HID1: variants seen among roughly 807,000 people sequenced by gnomAD.
HID1 encodes the protein HID1 domain containing.
HID1 carries 42 observed loss-of-function variants against 89.7 expected under a neutral mutation model. The ratio of observed to expected loss-of-function variants is 0.47; its 90% CI spans 0.37 to 0.61. The LOEUF is 0.61. Among genes scored for constraint, HID1 ranks in the 20% least tolerant of loss-of-function variants. The pLI is 0.00. For synonymous variants in HID1, 442 were observed against 433.8 expected, an observed-to-expected ratio of 1.02 and a Z score of -0.24; for missense variants, 854 against 1,039.3, an observed-to-expected ratio of 0.82 and a Z score of 2.45.
Position 74,963,179 on chromosome 17 carries a change from C to G in HID1, c.388-98G>C. The G allele has an allele frequency of 9.4e-6, 8 of 852,380 alleles. No homozygotes were observed. The South Asian group carries it at 1.2e-4, about 13-fold the overall frequency. 52.8% of individuals were successfully genotyped at this position (852,380 alleles called of 1,614,324 possible). On this transcript the variant is annotated intron_variant, in intron 3 of 18. Coordinates refer to ENST00000425042, the MANE Select transcript of HID1 (RefSeq NM_030630.3). ...GTGGAGGACAGGGGCTGAGCCCAGG[C>G]GGGCACCCATGGGCAGAGGAATGAA...
Position 74,958,118 on chromosome 17 carries a change from GA to G in HID1, c.1471+22del. ...GACACCACCTGGTGGTGAGCGCGGG[GA>G]GTGCAAGCTCCGGGCCCCTACCGTT... On this transcript the variant is annotated intron_variant, in intron 12 of 18. Transcript: ENST00000425042. The surrounding 1 kb of genome is among the most constrained non-coding windows in gnomAD (Gnocchi z 5.2). 6.3e-7 allele frequency: 1 copy of G among 1,583,688 alleles called. No homozygotes were observed. Among genetic ancestry groups the G allele is most frequent in the Non-Finnish European group, 8.6e-7 (1 of 1,165,990 alleles).
chr17:74,953,655 G>T lies in HID1; in HGVS notation c.1865-4C>A, dbSNP rs752928089. 1 of 1,612,608 alleles carries T rather than the reference G, an allele frequency of 6.2e-7. No individual in the cohort carries two copies. Among genetic ancestry groups the T allele is most frequent in the South Asian group, 1.1e-5 (1 of 91,050 alleles). ...TTCTCGGTCAGCTTGTCAATGCCTG[G>T]GCAGGGCACAGGTGGGAGTGAGGAC... On this transcript the variant is annotated splice_region_variant and splice_polypyrimidine_tract_variant and intron_variant, in intron 14 of 18. Transcript: ENST00000425042.
intron 1 of HID1, among the ~76,000 whole-genome samples, chr17:74,969,074 G>A (rs1396469993): frequency 6.6e-6 from 1 of 152,188 alleles, no homozygotes; most frequent in Non-Finnish European, 1.5e-5. Flanking sequence ...GATGCTACAG[G>A]CATTAGTCAG....
intron 6 of HID1, 175 bp downstream of exon 6, chr17:74,961,698 C>T: frequency 2.6e-6 from 1 of 382,542 alleles, no homozygotes; most frequent in Non-Finnish European, 4.7e-6. Flanking sequence ...TCTGTCCTGT[C>T]GAGGACTCCA....
At position 74,952,273 on chromosome 17, in the gene HID1, CA is replaced by C. The variant is rs772915652; in HGVS notation, c.2139del (p.Ile713MetfsTer5). On this transcript the variant is annotated frameshift_variant, in exon 17 of 19. Coordinates refer to ENST00000425042, the MANE Select transcript of HID1 (RefSeq NM_030630.3). LOFTEE classifies it high-confidence loss of function. ...CCCTGCCGGCGCCCGACTCACTTGT[CA>C]ATGCAGATCTTCTCCACCTGCGGAA... ...VLVPQVEKIC[I>X]DKGLTDESEI... The C allele has an allele frequency of 6.2e-7, 1 of 1,613,210 alleles. No individual in the cohort carries two copies. The highest frequency in any genetic ancestry group is 8.5e-7 in the Non-Finnish European group (1 of 1,179,536).
intron 14 of HID1, 58 bp from the exon 15 acceptor site, chr17:74,953,709 T>G: frequency 7.5e-7 from 1 of 1,331,472 alleles, no homozygotes; most frequent in Non-Finnish European, 1.1e-6. Flanking sequence ...TTCTAGCCCT[T>G]CCTCCACCCA....
In HID1 at chr17:74,964,610, G is replaced by A. The variant is rs775812712; in HGVS notation, c.89C>T (p.Ala30Val). The change falls in exon 2 of 19, where the codon GCC (alanine) becomes GTC (valine). Residue 30 changes from alanine to valine, a missense_variant. Transcript: ENST00000425042. ...KTQPVEATDD[A>V]FWDQFWADTA... The stretch of plus-strand genomic sequence containing the variant: ...GTCTGCCCAGAACTGGTCCCAAAAG[G>A]CATCATCGGTGGCTTCCACGGGCTG... The A allele has an allele frequency of 3.3e-5, 54 of 1,612,474 alleles. No individual in the cohort carries two copies. Among genetic ancestry groups the A allele is most frequent in the Non-Finnish European group, 4.2e-6 (5 of 1,179,592 alleles).
Position 74,951,460 on chromosome 17 carries a change from T to C in HID1, c.*110A>G, listed in dbSNP as rs2039296477. The stretch of plus-strand genomic sequence containing the variant: ...GCATGACACTCAGGGCCACTCTGCC[T>C]GTTCCAGGCCCTGATCGTGGTAATT... On this transcript the variant is annotated 3_prime_UTR_variant, in exon 19 of 19. Coordinates refer to ENST00000425042, the MANE Select transcript of HID1 (RefSeq NM_030630.3). 57 of 1,090,194 alleles carry C rather than the reference T, an allele frequency of 5.2e-5. 3 individuals carry two copies. In the South Asian group the frequency reaches 7.3e-4, roughly 14 times the overall value. The allele number at this position is 1,090,194 out of a possible 1,614,324, so 67.5% of individuals were successfully genotyped here. A position where few individuals can be genotyped will look rare whatever the true frequency, so the allele number is the denominator to read the frequency against.
In HID1 at chr17:74,960,041, G is replaced by A. The variant is rs780446306; in HGVS notation, c.936C>T (p.Ala312=). The A allele has an allele frequency of 1.4e-5, 23 of 1,613,474 alleles. No homozygotes were observed. Among genetic ancestry groups the A allele is most frequent in the Non-Finnish European group, 4.2e-6 (5 of 1,179,892 alleles). The change falls in exon 7 of 19, where the codon GCC becomes GCT. Residue 312 remains alanine, a synonymous_variant. Coordinates refer to ENST00000425042, the MANE Select transcript of HID1 (RefSeq NM_030630.3). The part of the protein sequence containing the change: ...PTVDGTTTGT[A]MDDADPPGPE... ...CCATCCTTACATCGGCATCATCCAT[G>A]GCGGTGCCAGTGGTGGTGCCGTCCA... is the stretch of plus-strand genomic sequence containing the variant.
Position 74,958,521 on chromosome 17 carries a change from G to C in HID1, c.1241-43C>G. 2 of 1,573,038 alleles carry C rather than the reference G, an allele frequency of 1.3e-6. No homozygotes were observed. Among genetic ancestry groups the C allele is most frequent in the Non-Finnish European group, 1.7e-6 (2 of 1,159,390 alleles). On this transcript the variant is annotated intron_variant, in intron 10 of 18. Transcript: ENST00000425042. This position sits in a 1 kb window ranked among gnomAD's most constrained non-coding sequence, Gnocchi z 5.2. ...GGAGGGGTCACTCGGGTGGGAGGGGGAAGGAGGGGCCCAGGCAGTGACCAT... is the reference window on the plus strand; with the variant it reads ...GGAGGGGTCACTCGGGTGGGAGGGGCAAGGAGGGGCCCAGGCAGTGACCAT...
At chr17:74,957,381 G>A (rs1031873425) in intron 12 of HID1, among the ~76,000 whole-genome samples, 2 of 152,042 alleles carry the variant, frequency 1.3e-5, no homozygotes, top group African/African-American at 2.4e-5. Flanking sequence ...CTACTTGGGA[G>A]GCTGAGGCAT....
At position 74,958,761 on chromosome 17, in the gene HID1, T is replaced by C; in HGVS notation, c.1152A>G (p.Lys384=). 1 of 1,601,698 alleles carries C rather than the reference T, an allele frequency of 6.2e-7. No homozygotes were observed. The highest frequency in any genetic ancestry group is 1.4e-5 in the African/African-American group (1 of 72,400). ...TGCTCTTCAGCACGAAGAAGAGGAA[T>C]TTCTAGGGGTGCGGGGAGGGGCCAA... ...LFWKLCDFNK[K]FLFFVLKSSD... is the part of the protein sequence containing the mutation. Residue 384 remains lysine (K), a splice_region_variant and synonymous_variant, in exon 10 of 19, where the codon AAA becomes AAG. Coordinates refer to ENST00000425042, the MANE Select transcript of HID1 (RefSeq NM_030630.3). This position sits in a 1 kb window ranked among gnomAD's most constrained non-coding sequence, Gnocchi z 5.2.
intron 16 of HID1, 71 bp from the exon 17 acceptor site, chr17:74,952,431 C>T: frequency 1.8e-6 from 2 of 1,115,194 alleles, no homozygotes; most frequent in Non-Finnish European, 2.7e-6. Flanking sequence ...CTGACCCTGA[C>T]CCAGAACCAC....
chr17:74,956,901 G>A (rs1469490717), intron 12 of HID1, among the ~76,000 whole-genome samples: 1 of 152,176 alleles, frequency 6.6e-6, no homozygotes, highest in African/African-American at 2.4e-5. Flanking sequence ...AGGCAGAAAG[G>A]GTGGGGCCTC....
intron 1 of HID1, among the ~76,000 whole-genome samples, chr17:74,969,157 C>T (rs1334496203): frequency 6.2e-5 from 1 of 16,236 alleles, no homozygotes; most frequent in East Asian, 0.042. Flanking sequence ...CCCAGTTGGC[C>T]TCCACCCAGC....
Position 74,964,623 on chromosome 17 carries a change from C to T in HID1, c.76G>A (p.Ala26Thr). The change falls in exon 2 of 19, where the codon GCC becomes ACC. Residue 26 changes from alanine to threonine, a missense_variant. Transcript: ENST00000425042. ...TGGTCCCAAAAGGCATCATCGGTGG[C>T]TTCCACGGGCTGTGGGGGGACCAAG... ...QLTTKTQPVEATDDAFWDQFW... is the reference protein window; with the variant it reads ...QLTTKTQPVETTDDAFWDQFW... The T allele has an allele frequency of 6.2e-7, 1 of 1,611,892 alleles. No individual in the cohort carries two copies. The highest frequency in any genetic ancestry group is 8.5e-7 in the Non-Finnish European group (1 of 1,179,336).
intron 1 of HID1, among the ~76,000 whole-genome samples, chr17:74,968,437 T>C (rs1284953656): frequency 1.3e-5 from 2 of 148,934 alleles, no homozygotes; most frequent in African/African-American, 5.0e-5. Context: ...CTCACCAAGG[T>C]CCAGGCATAC....
Position 74,959,241 on chromosome 17 carries a change from G to C in HID1, c.1009-190C>G, listed in dbSNP as rs1188803387. Among the ~76,000 whole-genome samples, 1 of 151,900 alleles carries C rather than the reference G, an allele frequency of 6.6e-6. No individual in the cohort carries two copies. Among genetic ancestry groups the C allele is most frequent in the South Asian group, 2.1e-4 (1 of 4,820 alleles). On this transcript the variant is annotated intron_variant, in intron 8 of 18. Coordinates refer to ENST00000425042, the MANE Select transcript of HID1 (RefSeq NM_030630.3). This position sits in a 1 kb window ranked among gnomAD's most constrained non-coding sequence, Gnocchi z 4.6. ...GCCTCAGGAAGCGGAGTCCCTCATA[G>C]CTGTGGACAGCCCTGGCCCCTCCAC...
At chr17:74,952,464 C>T (rs1462505809) in intron 16 of HID1, 104 bp from the exon 17 acceptor site, 2 of 754,780 alleles carry the variant, frequency 2.6e-6, no homozygotes, top group Admixed American at 2.3e-5. Flanking sequence ...GCAGAAAGTA[C>T]CCCTGCTCCT....
Sources: gnomAD v4.1 joint callset for allele counts (sites outside exome capture counted in the v4.1 genomes callset) on GRCh38, gnomAD v4.1.1 for gene constraint, Gnocchi (gnomAD v3.1) non-coding constraint, MANE v1.5 for transcripts, NCBI Gene and HGNC (gene_info 2026-07-23, HGNC 2026-07-21) for gene names.